ANKH: variants seen among roughly 807,000 people sequenced by gnomAD.
ANKH encodes mineralization regulator ANKH.
Under a neutral mutation model 49.0 loss-of-function variants are expected in ANKH, and 15 were observed. That is an observed-to-expected ratio of 0.31 (90% CI 0.20 to 0.47). The LOEUF (loss-of-function observed/expected upper bound fraction) is 0.47, where lower values mean the gene tolerates loss of function less well. Among genes scored for constraint, ANKH ranks in the 20% least tolerant of loss-of-function variants. The pLI is 1.00. For missense variants in ANKH, 429 were observed against 652.0 expected, an observed-to-expected ratio of 0.66 and a Z score of 3.72; for synonymous variants, 273 against 260.0, an observed-to-expected ratio of 1.05 and a Z score of -0.48.
chr5:14,822,655 C>T (rs1741229176), intron 1 of ANKH, among the ~76,000 whole-genome samples: 1 of 152,182 alleles, frequency 6.6e-6, no homozygotes, highest in East Asian at 1.9e-4. Context: ...CAATAAACAA[C>T]AGAAATTTCA....
At chr5:14,808,375 A>G (rs531832355) in intron 1 of ANKH, among the ~76,000 whole-genome samples, 3 of 152,316 alleles carry the variant, frequency 2.0e-5, no homozygotes, top group Admixed American at 2.0e-4. Flanking sequence ...AAAACACCCA[A>G]TGATTTGGGG....
chr5:14,760,306 C>T (rs1318123234), intron 2 of ANKH, among the ~76,000 whole-genome samples: 1 of 152,044 alleles, frequency 6.6e-6, no homozygotes, highest in African/African-American at 2.4e-5. Context: ...ATGTCCCTGT[C>T]GTTTGGATCA....
intron 1 of ANKH, chr5:14,870,004 T>A (rs1231770750): frequency 6.6e-6 from 1 of 151,748 alleles, no homozygotes; most frequent in Non-Finnish European, 1.5e-5. Context: ...AAGTCACCAG[T>A]TACTATAGAA....
chr5:14,762,740 G>A (rs6886627), intron 2 of ANKH, among the ~76,000 whole-genome samples: 5 of 149,404 alleles, frequency 3.3e-5, no homozygotes, highest in African/African-American at 9.9e-5. Context: ...TATTGGGGGG[G>A]TGGGGGGGTA....
At chr5:14,846,972 CG>C (rs1438838174) in intron 1 of ANKH, among the ~76,000 whole-genome samples, 1 of 145,742 alleles carries the variant, frequency 6.9e-6, no homozygotes, top group Non-Finnish European at 1.5e-5. Context: ...CATGCCACTG[CG>C]GTCCAGCCTG....
Position 14,751,187 on chromosome 5 carries a change from AG to A in ANKH, c.568del (p.Leu190CysfsTer45). On this transcript the variant is annotated frameshift_variant, in exon 5 of 12. Coordinates refer to ENST00000284268, the MANE Select transcript of ANKH (RefSeq NM_054027.6). LOFTEE classifies it high-confidence loss of function. ...GTACAAGGAGAGGATCGGGATGAGC[AG>A]GGGCTCCCGGCATTCCAGGTGACTG... Reference protein sequence around the residue: ...LHSHLECREPLLIPILSLYMG... With the variant: ...LHSHLECREPXLIPILSLYMG... The A allele has an allele frequency of 6.2e-7, 1 of 1,614,234 alleles. No individual in the cohort carries two copies. The highest frequency in any genetic ancestry group is 8.5e-7 in the Non-Finnish European group (1 of 1,180,046).
chr5:14,826,411 C>T (rs1741344173), intron 1 of ANKH, among the ~76,000 whole-genome samples: 1 of 152,182 alleles, frequency 6.6e-6, no homozygotes, highest in Non-Finnish European at 1.5e-5. Flanking sequence ...CAACTAGCAG[C>T]TTTGTTCTTC....
At chr5:14,738,809 A>G (rs1738264922) in intron 8 of ANKH, among the ~76,000 whole-genome samples, 1 of 152,176 alleles carries the variant, frequency 6.6e-6, no homozygotes, top group African/African-American at 2.4e-5. Flanking sequence ...AGAGCCTTTT[A>G]AAAGCTTTTA....
At chr5:14,759,845 GAAGGA>G (rs1220690666) in intron 2 of ANKH, among the ~76,000 whole-genome samples, 8 of 86,028 alleles carry the variant, frequency 9.3e-5, no homozygotes, top group African/African-American at 1.9e-4. Context: ...GAAGGGAAGG[GAAGGA>G]AAGGGAAGGA....
At chr5:14,774,372 C>G (rs1353300677) in intron 1 of ANKH, among the ~76,000 whole-genome samples, 1 of 152,174 alleles carries the variant, frequency 6.6e-6, no homozygotes, top group Non-Finnish European at 1.5e-5. Context: ...TGCATTACTT[C>G]AAAATCACTT....
At chr5:14,779,301 C>T (rs1739733524) in intron 1 of ANKH, among the ~76,000 whole-genome samples, 1 of 152,124 alleles carries the variant, frequency 6.6e-6, no homozygotes, top group African/African-American at 2.4e-5. Flanking sequence ...ACTGGCCTTC[C>T]CATCAATGTT....
At chr5:14,748,593 T>C (rs1055511222) in intron 6 of ANKH, among the ~76,000 whole-genome samples, 1 of 152,220 alleles carries the variant, frequency 6.6e-6, no homozygotes, top group Non-Finnish European at 1.5e-5. Context: ...AGTTTCCAGA[T>C]AAAGTTTGTT....
intron 8 of ANKH, among the ~76,000 whole-genome samples, chr5:14,729,726 C>T (rs921129447): frequency 1.3e-4 from 19 of 151,978 alleles, no homozygotes; most frequent in African/African-American, 3.6e-4. Flanking sequence ...TAGGCTCTGG[C>T]GGGGAGAAAA....
intron 1 of ANKH, among the ~76,000 whole-genome samples, chr5:14,813,171 T>C (rs1740936876): frequency 6.6e-6 from 1 of 151,644 alleles, no homozygotes; most frequent in Non-Finnish European, 1.5e-5. Flanking sequence ...GGTCCAAGAG[T>C]TCAAGGTTAC....
intron 8 of ANKH, among the ~76,000 whole-genome samples, chr5:14,740,922 C>G (rs566389440): frequency 6.6e-6 from 1 of 152,138 alleles, no homozygotes. Flanking sequence ...ATTGTATATG[C>G]GAAAGTAAGT....
chr5:14,748,024 A>G (rs1034176699), intron 6 of ANKH, among the ~76,000 whole-genome samples: 5 of 152,162 alleles, frequency 3.3e-5, no homozygotes, highest in African/African-American at 1.2e-4. Flanking sequence ...GCTGTACCCC[A>G]CGTGCTGTTC....
chr5:14,850,549 T>TCA (rs1177540947), intron 1 of ANKH, among the ~76,000 whole-genome samples: 1 of 152,226 alleles, frequency 6.6e-6, no homozygotes, highest in Non-Finnish European at 1.5e-5. Flanking sequence ...TAGGCTGGAA[T>TCA]CACACCTCAG....
At position 14,770,656 on chromosome 5, in the gene ANKH, C is replaced by T. The variant is rs761630456; in HGVS notation, c.97-1465G>A. ...TCATTACACTACTCGGAATGGCATG[C>T]AATTTAAAACTTATGAATTGTTTAT... On this transcript the variant is annotated intron_variant, in intron 1 of 11. Coordinates refer to ENST00000284268, the MANE Select transcript of ANKH (RefSeq NM_054027.6). The surrounding 1 kb of genome is among the most constrained non-coding windows in gnomAD (Gnocchi z 4.1). 1.7e-4 allele frequency among the ~76,000 whole-genome samples: 26 copies of T among 152,128 alleles called. No individual in the cohort carries two copies. Among genetic ancestry groups the T allele is most frequent in the Admixed American group, 1.3e-4 (2 of 15,274 alleles).
intron 8 of ANKH, among the ~76,000 whole-genome samples, chr5:14,727,248 CATA>C (rs1252133309): frequency 2.0e-5 from 3 of 152,006 alleles, no homozygotes; most frequent in Admixed American, 1.3e-4. Context: ...TGTTGATAAT[CATA>C]ATAATTATTA....
Sources: allele counts gnomAD v4.1 joint callset (sites outside exome capture counted in the v4.1 genomes callset), GRCh38; gene constraint gnomAD v4.1.1; non-coding constraint Gnocchi (gnomAD v3.1); transcripts MANE v1.5; gene names NCBI Gene and HGNC (gene_info 2026-07-23, HGNC 2026-07-21).